Variants in MDGA2 observed in about 807,000 individuals in gnomAD.
MDGA2 encodes the protein MAM domain containing glycosylphosphatidylinositol anchor 2.
MDGA2 carries 40 observed loss-of-function variants against 117.8 expected under a neutral mutation model. That is an observed-to-expected ratio of 0.34 (90% confidence interval 0.26 to 0.44). The LOEUF (loss-of-function observed/expected upper bound fraction) is 0.44. MDGA2 is among the 20% of genes least tolerant of loss of function. The pLI is 1.00. For synonymous variants in MDGA2, 452 were observed against 439.0 expected (o/e 1.03, Z -0.37); for missense variants, 1,123 against 1,250.6 (o/e 0.90, Z 1.54).
chr14:47,144,337 G>C, intron 3 of MDGA2, 63 bp from the exon 4 acceptor site: 1 of 1,334,528 alleles, frequency 7.5e-7, no homozygotes, highest in South Asian at 1.4e-5. Context: ...AAAGTATTGT[G>C]CTTATATAAC....
chr14:46,995,581 G>T (rs947567121), intron 8 of MDGA2, among the ~76,000 whole-genome samples: 1 of 151,498 alleles, frequency 6.6e-6, no homozygotes, highest in African/African-American at 2.4e-5. Flanking sequence ...ACATTTTGCT[G>T]AATCCATTAT....
At chr14:47,020,083 C>T (rs1888232513) in intron 8 of MDGA2, among the ~76,000 whole-genome samples, 1 of 152,092 alleles carries the variant, frequency 6.6e-6, no homozygotes, top group South Asian at 2.1e-4. Flanking sequence ...ACTAAAGCTG[C>T]GAATTCAAGG....
At chr14:47,383,815 A>G (rs533349887) in intron 1 of MDGA2, among the ~76,000 whole-genome samples, 4 of 152,204 alleles carry the variant, frequency 2.6e-5, no homozygotes, top group African/African-American at 9.6e-5. Context: ...GTGAACCACC[A>G]CACCCGGACG....
intron 1 of MDGA2, among the ~76,000 whole-genome samples, chr14:47,327,474 T>C (rs1451986506): frequency 6.6e-6 from 1 of 152,160 alleles, no homozygotes; most frequent in East Asian, 1.9e-4. Flanking sequence ...TGGGCTTCCA[T>C]TTCCCACTGC....
chr14:47,294,637 C>T (rs1190135866), intron 2 of MDGA2, among the ~76,000 whole-genome samples: 2 of 151,288 alleles, frequency 1.3e-5, no homozygotes, highest in South Asian at 2.1e-4. Context: ...CCTAAACCTG[C>T]CCACATTAAT....
At chr14:47,470,526 T>C (rs1041124077) in intron 1 of MDGA2, among the ~76,000 whole-genome samples, 3 of 152,154 alleles carry the variant, frequency 2.0e-5, no homozygotes, top group Non-Finnish European at 4.4e-5. Flanking sequence ...TGATGGACAT[T>C]TGGGTTGGTT....
At chr14:47,020,727 G>C (rs1888256887) in intron 8 of MDGA2, among the ~76,000 whole-genome samples, 1 of 152,184 alleles carries the variant, frequency 6.6e-6, no homozygotes, top group African/African-American at 2.4e-5. Flanking sequence ...GTTACTTTGT[G>C]TGTTGCCAAA....
intron 2 of MDGA2, among the ~76,000 whole-genome samples, chr14:47,229,948 T>C (rs754627988): frequency 3.3e-5 from 5 of 152,070 alleles, no homozygotes; most frequent in Admixed American, 6.6e-5. Context: ...ATAATCAATA[T>C]TGATTTATCA....
At chr14:47,514,740 C>T (rs1401964388) in intron 1 of MDGA2, among the ~76,000 whole-genome samples, 1 of 152,064 alleles carries the variant, frequency 6.6e-6, no homozygotes, top group African/African-American at 2.4e-5. Context: ...TATTTTATCC[C>T]TCCTCTCCAA....
At chr14:47,148,979 A>G (rs1253885239) in intron 3 of MDGA2, among the ~76,000 whole-genome samples, 1 of 152,156 alleles carries the variant, frequency 6.6e-6, no homozygotes, top group Non-Finnish European at 1.5e-5. Flanking sequence ...ATATATTTGA[A>G]CAAGCCATTC....
chr14:47,425,752 T>C (rs759178656), intron 1 of MDGA2, among the ~76,000 whole-genome samples: 16 of 152,264 alleles, frequency 1.1e-4, no homozygotes, highest in Admixed American at 3.3e-4. Context: ...TGTGTATATT[T>C]TGACATGTTA....
intron 1 of MDGA2, among the ~76,000 whole-genome samples, chr14:47,582,231 A>G (rs1182698980): frequency 6.6e-6 from 1 of 151,878 alleles, no homozygotes; most frequent in Non-Finnish European, 1.5e-5. Flanking sequence ...GACATAAAAG[A>G]GGGAGGAAGA....
intron 14 of MDGA2, among the ~76,000 whole-genome samples, chr14:46,858,106 A>G (rs1402655225): frequency 2.0e-5 from 3 of 151,166 alleles, no homozygotes; most frequent in Non-Finnish European, 3.0e-5. Flanking sequence ...TGTATAGGTC[A>G]TTATGGCTCT....
chr14:47,357,386 G>A (rs567552588), intron 1 of MDGA2, among the ~76,000 whole-genome samples: 35 of 152,306 alleles, frequency 2.3e-4, no homozygotes, highest in South Asian at 8.3e-4. Context: ...GGAGGCTCTC[G>A]AAAATGTGCA....
chr14:47,599,728 A>C (rs1274064169), intron 1 of MDGA2, among the ~76,000 whole-genome samples: 2 of 152,146 alleles, frequency 1.3e-5, no homozygotes, highest in Admixed American at 6.6e-5. Context: ...AGAGCATGTA[A>C]ATTACATTCT....
intron 1 of MDGA2, among the ~76,000 whole-genome samples, chr14:47,521,754 C>G (rs561995291): frequency 1.3e-5 from 2 of 151,752 alleles, no homozygotes; most frequent in Non-Finnish European, 2.9e-5. Context: ...TCACCACAAC[C>G]TCTTTCTCCT....
At chr14:46,868,196 G>C (rs571429228) in intron 14 of MDGA2, among the ~76,000 whole-genome samples, 1 of 151,852 alleles carries the variant, frequency 6.6e-6, no homozygotes, top group Admixed American at 6.6e-5. Context: ...AGGAGTTTTG[G>C]GAACAAAAGG....
intron 1 of MDGA2, among the ~76,000 whole-genome samples, chr14:47,396,133 T>G (rs1892003574): frequency 6.6e-6 from 1 of 152,132 alleles, no homozygotes; most frequent in African/African-American, 2.4e-5. Flanking sequence ...TAACTTTAAG[T>G]GAACAAACAG....
chr14:46,945,609 G>A (rs947139159), intron 9 of MDGA2, among the ~76,000 whole-genome samples: 2 of 151,888 alleles, frequency 1.3e-5, no homozygotes, highest in Non-Finnish European at 2.9e-5. Flanking sequence ...GCAGATAGAT[G>A]CTTTTGCTGC....
Sources: gnomAD v4.1 joint callset for allele counts (sites outside exome capture counted in the v4.1 genomes callset) on GRCh38, gnomAD v4.1.1 for gene constraint, MANE v1.5 for transcripts, NCBI Gene and HGNC (gene_info 2026-07-23, HGNC 2026-07-21) for gene names.